The following ATP8A1 variants were observed in gnomAD, a reference collection of about 807,000 sequenced individuals.
ATP8A1 encodes phospholipid-transporting ATPase IA.
ATP8A1 carries 90 observed loss-of-function variants against 177.7 expected under a neutral mutation model. That is an observed-to-expected ratio of 0.51 (90% confidence interval 0.43 to 0.60). The LOEUF is 0.60. Ranked by LOEUF, ATP8A1 falls within the 20% of genes least tolerant of loss-of-function variation. The pLI, the probability that ATP8A1 is intolerant of heterozygous loss-of-function variation, is 0.00. For missense variants in ATP8A1, 1,072 were observed against 1,392.8 expected, an observed-to-expected ratio of 0.77 and a Z score of 3.67; for synonymous variants, 493 against 485.9, an observed-to-expected ratio of 1.01 and a Z score of -0.19.
intron 27 of ATP8A1, chr4:42,459,448 C>T (rs1234009667): frequency 3.9e-6 from 1 of 257,532 alleles, no homozygotes; most frequent in Non-Finnish European, 8.0e-6. Context: ...AGATTTATTG[C>T]TGGCAGTGGC....
chr4:42,595,595 T>C (rs1291144267), intron 6 of ATP8A1, among the ~76,000 whole-genome samples: 1 of 152,176 alleles, frequency 6.6e-6, no homozygotes, highest in Non-Finnish European at 1.5e-5. Context: ...CTTAAAATAA[T>C]GTGCTGTGAT....
At position 42,446,615 on chromosome 4, in the gene ATP8A1, C is replaced by G. The variant is rs1254895223; in HGVS notation, c.2926G>C (p.Asp976His). The part of the protein sequence containing the change: ...GTAFGNGKTS[D>H]YLLLGNFVYT... ...ACAAAGTTTCCCAGTAGCAGATAAT[C>G]CGAGGTTTTCCCATTTCCAAATGCA... The change falls in exon 31 of 37, where the codon GAT (aspartate) becomes CAT (histidine). Residue 976 changes from aspartate (D) to histidine (H), a missense_variant. Physicochemically the swap from Asp to His is moderately conservative, Grantham distance 81. Transcript: ENST00000381668. The G allele has an allele frequency of 6.2e-7, 1 of 1,613,960 alleles. No homozygotes were observed. Among genetic ancestry groups the G allele is most frequent in the South Asian group, 1.1e-5 (1 of 91,068 alleles).
intron 22 of ATP8A1, among the ~76,000 whole-genome samples, chr4:42,513,392 A>T (rs1341031850): frequency 6.6e-6 from 1 of 152,224 alleles, no homozygotes; most frequent in African/African-American, 2.4e-5. Flanking sequence ...TTATGTGAGT[A>T]CAAAGGATAA....
intron 22 of ATP8A1, among the ~76,000 whole-genome samples, chr4:42,515,207 G>C (rs1469713752): frequency 6.6e-6 from 1 of 152,128 alleles, no homozygotes; most frequent in Non-Finnish European, 1.5e-5. Context: ...ATGTTCTTAA[G>C]CAAATAGAAC....
chr4:42,506,917 T>C (rs1030088658), intron 23 of ATP8A1, 99 bp downstream of exon 23: 4 of 1,377,450 alleles, frequency 2.9e-6, no homozygotes, highest in African/African-American at 2.9e-5. Context: ...TCTTGACATA[T>C]CAAATCTTTT....
intron 7 of ATP8A1, among the ~76,000 whole-genome samples, chr4:42,589,723 T>C (rs1733966042): frequency 6.6e-6 from 1 of 152,218 alleles, no homozygotes; most frequent in Non-Finnish European, 1.5e-5. Flanking sequence ...TTTACTTATG[T>C]ATACATTTGA....
At chr4:42,545,156 T>C (rs1228864820) in intron 19 of ATP8A1, among the ~76,000 whole-genome samples, 2 of 122,056 alleles carry the variant, frequency 1.6e-5, no homozygotes, top group African/African-American at 7.2e-5. Flanking sequence ...CGAGACTCCG[T>C]CTCAAAAAAA....
intron 23 of ATP8A1, among the ~76,000 whole-genome samples, chr4:42,505,789 G>A (rs946552653): frequency 2.9e-4 from 44 of 152,134 alleles, no homozygotes; most frequent in African/African-American, 8.7e-4. Context: ...GTTTCATGCT[G>A]TGAACTCCTC....
intron 21 of ATP8A1, 59 bp downstream of exon 21, chr4:42,524,704 A>G: frequency 9.0e-7 from 1 of 1,113,634 alleles, no homozygotes; most frequent in Admixed American, 1.9e-5. Context: ...CCTGCAAGGT[A>G]TCAGAAGTAT....
chr4:42,492,774 A>C (rs1239133129), intron 24 of ATP8A1, among the ~76,000 whole-genome samples: 1 of 152,260 alleles, frequency 6.6e-6, no homozygotes, highest in Non-Finnish European at 1.5e-5. Flanking sequence ...ACAAATAAGC[A>C]TATGATCGGA....
rs1357140364 is a variant in ATP8A1 at position 42,408,513 on chromosome 4, A to G, written c.*4403T>C. On this transcript the variant is annotated 3_prime_UTR_variant, in exon 37 of 37. Transcript: ENST00000381668. Reference sequence around the variant, plus strand: ...ATAGAAATAATATTACTCAATTTTAATAACTATAAAACACAGTGCATCAAA... The same window carrying G: ...ATAGAAATAATATTACTCAATTTTAGTAACTATAAAACACAGTGCATCAAA... The G allele has an allele frequency of 6.6e-6, 1 of 152,228 alleles. No individual in the cohort carries two copies. The highest frequency in any genetic ancestry group is 1.5e-5 in the Non-Finnish European group (1 of 68,036). 9.4% of individuals were successfully genotyped at this position (152,228 alleles called of 1,614,324 possible). A position where few individuals can be genotyped will look rare whatever the true frequency, so the allele number is the denominator to read the frequency against.
At chr4:42,477,908 T>C (rs1403356472) in intron 25 of ATP8A1, among the ~76,000 whole-genome samples, 1 of 151,612 alleles carries the variant, frequency 6.6e-6, no homozygotes, top group East Asian at 1.9e-4. Flanking sequence ...GCTTGAGCCT[T>C]GGAGGTCGAA....
intron 25 of ATP8A1, chr4:42,471,824 C>T: frequency 1.8e-6 from 1 of 545,706 alleles, no homozygotes; most frequent in South Asian, 1.6e-5. Flanking sequence ...TCATTTCAAG[C>T]ACCAAGACTG....
intron 21 of ATP8A1, among the ~76,000 whole-genome samples, chr4:42,523,137 C>A (rs1726315345): frequency 6.6e-6 from 1 of 152,192 alleles, no homozygotes; most frequent in African/African-American, 2.4e-5. Flanking sequence ...GAACTGCCAG[C>A]AGATATACCC....
chr4:42,617,833 G>T (rs1380434605), intron 4 of ATP8A1, among the ~76,000 whole-genome samples: 1 of 152,088 alleles, frequency 6.6e-6, no homozygotes, highest in African/African-American at 2.4e-5. Context: ...ACAGAATTAG[G>T]TTACTTGTCA....
At chr4:42,493,820 A>T (rs1197250017) in intron 24 of ATP8A1, among the ~76,000 whole-genome samples, 1 of 152,156 alleles carries the variant, frequency 6.6e-6, no homozygotes, top group South Asian at 2.1e-4. Flanking sequence ...ATTTGTGAAT[A>T]AAGTGCCCTG....
chr4:42,642,955 T>C (rs1740159174), intron 1 of ATP8A1, among the ~76,000 whole-genome samples: 1 of 152,230 alleles, frequency 6.6e-6, no homozygotes, highest in Non-Finnish European at 1.5e-5. Context: ...ACTCACCAGA[T>C]GCAGATTCAA....
chr4:42,654,292 A>G (rs1577796505), intron 1 of ATP8A1, among the ~76,000 whole-genome samples: 1 of 152,116 alleles, frequency 6.6e-6, no homozygotes, highest in Admixed American at 6.5e-5. Context: ...CCCCTCTTAG[A>G]CTATTTATTC....
At chr4:42,652,723 G>A (rs1011457019) in intron 1 of ATP8A1, among the ~76,000 whole-genome samples, 3 of 152,122 alleles carry the variant, frequency 2.0e-5, no homozygotes, top group Non-Finnish European at 2.9e-5. Flanking sequence ...TAAGTCTCAC[G>A]AGATCTGATA....
Sources: allele counts gnomAD v4.1 joint callset (sites outside exome capture counted in the v4.1 genomes callset), GRCh38; gene constraint gnomAD v4.1.1; transcripts MANE v1.5; gene names NCBI Gene and HGNC (gene_info 2026-07-23, HGNC 2026-07-21).